Variants in CRADD observed in about 807,000 individuals in gnomAD.
CRADD encodes the protein CARD and death domain containing adaptor protein.
In CRADD, 9 loss-of-function variants were observed where a neutral mutation model predicts 15.5. The ratio of observed to expected loss-of-function variants is 0.58; its 90% CI spans 0.35 to 1.01. The LOEUF is 1.01. Among genes scored for constraint, CRADD ranks in the 50% least tolerant of loss-of-function variants. The pLI is 0.02. For synonymous variants in CRADD, 118 were observed against 107.6 expected, an observed-to-expected ratio of 1.10 and a Z score of -0.60; for missense variants, 227 against 250.3, an observed-to-expected ratio of 0.91 and a Z score of 0.63.
intron 2 of CRADD, among the ~76,000 whole-genome samples, chr12:93,823,298 CAAAA>C (rs66639212): frequency 1.4e-5 from 2 of 139,792 alleles, no homozygotes; most frequent in Non-Finnish European, 1.6e-5. Context: ...GTCTCAAAAA[CAAAA>C]AAAAAAAAAA....
chr12:93,678,513 G>A (rs1207963284), intron 1 of CRADD, among the ~76,000 whole-genome samples: 2 of 151,800 alleles, frequency 1.3e-5, no homozygotes, highest in African/African-American at 2.4e-5. Flanking sequence ...TTTATTGAAC[G>A]AGGAATTGAG....
chr12:93,875,241 G>A (rs1404430404), intron 2 of CRADD, among the ~76,000 whole-genome samples: 1 of 135,834 alleles, frequency 7.4e-6, no homozygotes, highest in Non-Finnish European at 1.7e-5. Flanking sequence ...AGCAACTCCT[G>A]CTGATTTTTG....
At chr12:93,883,958 GCAAGAGGGTGATC>G (rs1958519430) in intron 2 of CRADD, among the ~76,000 whole-genome samples, 1 of 152,212 alleles carries the variant, frequency 6.6e-6, no homozygotes, top group African/African-American at 2.4e-5. Context: ...TCAGGATGTG[GCAAGAGGGTGATC>G]CAAGAGAAAG....
rs1252422910 is a variant in CRADD, at chr12:93,687,112, G to A, written c.298+8040G>A. 7.2e-5 allele frequency among the ~76,000 whole-genome samples: 11 copies of A among 152,288 alleles called. No homozygotes were observed. In the South Asian group the frequency reaches 2.1e-3, roughly 29 times the overall value. On this transcript the variant is annotated intron_variant, in intron 2 of 2. Transcript: ENST00000332896. The stretch of plus-strand genomic sequence containing the variant: ...GCAAGGCTGACATAAAGGAAAAGCG[G>A]AAGACTTTCATCGAGTATTTATGGG...
chr12:93,687,799 G>A (rs930272746), intron 2 of CRADD, among the ~76,000 whole-genome samples: 5 of 152,196 alleles, frequency 3.3e-5, no homozygotes, highest in Non-Finnish European at 7.3e-5. Flanking sequence ...GCTCAAGAAT[G>A]TTCCAGAATC....
intron 2 of CRADD, among the ~76,000 whole-genome samples, chr12:93,829,222 T>C (rs1957861487): frequency 1.3e-5 from 2 of 151,578 alleles, no homozygotes; most frequent in South Asian, 4.2e-4. Context: ...CATGGGAGGG[T>C]TTGTGCTGCC....
At chr12:93,688,843 G>A (rs1420723821) in intron 2 of CRADD, among the ~76,000 whole-genome samples, 2 of 152,078 alleles carry the variant, frequency 1.3e-5, no homozygotes, top group African/African-American at 4.8e-5. Context: ...GATAACCTGT[G>A]GCTGCTCCAG....
At chr12:93,736,446 T>C (rs1024799845) in intron 2 of CRADD, among the ~76,000 whole-genome samples, 4 of 152,238 alleles carry the variant, frequency 2.6e-5, no homozygotes, top group Non-Finnish European at 4.4e-5. Flanking sequence ...CTTAAAAACG[T>C]CAACTAGCCC....
At chr12:93,748,214 A>C (rs1416578586) in intron 2 of CRADD, among the ~76,000 whole-genome samples, 1 of 152,148 alleles carries the variant, frequency 6.6e-6, no homozygotes, top group Non-Finnish European at 1.5e-5. Context: ...CCTTCCAGAA[A>C]TCCTTTCCTT....
At chr12:93,810,875 G>A (rs1593009622) in intron 2 of CRADD, among the ~76,000 whole-genome samples, 2 of 152,206 alleles carry the variant, frequency 1.3e-5, no homozygotes, top group Admixed American at 1.3e-4. Context: ...GCCAGACTGA[G>A]AATGAGAAAT....
chr12:93,736,388 C>G (rs1050967298), intron 2 of CRADD, among the ~76,000 whole-genome samples: 5 of 152,146 alleles, frequency 3.3e-5, no homozygotes, highest in Non-Finnish European at 7.4e-5. Context: ...TCCTTATATT[C>G]AAAACTTTCT....
At chr12:93,830,219 G>A (rs1957877899) in intron 2 of CRADD, among the ~76,000 whole-genome samples, 1 of 152,128 alleles carries the variant, frequency 6.6e-6, no homozygotes, top group African/African-American at 2.4e-5. Flanking sequence ...CCTCCAAGAA[G>A]AGGATGGCTG....
intron 2 of CRADD, among the ~76,000 whole-genome samples, chr12:93,700,851 C>T (rs1328166026): frequency 1.3e-5 from 2 of 152,102 alleles, no homozygotes; most frequent in African/African-American, 4.8e-5. Flanking sequence ...AACTCCAGTT[C>T]CTCCTTTGGG....
chr12:93,873,122 G>A (rs1958434394), intron 2 of CRADD, among the ~76,000 whole-genome samples: 1 of 151,496 alleles, frequency 6.6e-6, no homozygotes, highest in South Asian at 2.1e-4. Context: ...AACATCTTTT[G>A]CTTCTTTGGC....
chr12:93,724,978 A>G (rs1956328792), intron 2 of CRADD, among the ~76,000 whole-genome samples: 1 of 152,056 alleles, frequency 6.6e-6, no homozygotes, highest in South Asian at 2.1e-4. Flanking sequence ...CTCCTGCCTC[A>G]GCCTCGCAAG....
At chr12:93,706,395 GAA>G (rs1269006762) in intron 2 of CRADD, among the ~76,000 whole-genome samples, 1 of 152,162 alleles carries the variant, frequency 6.6e-6, no homozygotes, top group Non-Finnish European at 1.5e-5. Context: ...TAGTTTATAT[GAA>G]AAATTGATGC....
intron 2 of CRADD, among the ~76,000 whole-genome samples, chr12:93,856,903 T>TA (rs1035139333): frequency 2.0e-5 from 3 of 152,152 alleles, no homozygotes; most frequent in African/African-American, 7.2e-5. Flanking sequence ...TTTTTAAATG[T>TA]AATAACTGCC....
At chr12:93,678,400 T>C (rs1484309774) in intron 1 of CRADD, among the ~76,000 whole-genome samples, 1 of 152,192 alleles carries the variant, frequency 6.6e-6, no homozygotes, top group Non-Finnish European at 1.5e-5. Flanking sequence ...CACCATTTCT[T>C]CTCCAGCGTG....
rs145240673 is a variant in CRADD at position 93,890,705 on chromosome 12, C to T, written c.299-3345C>T. On this transcript the variant is annotated intron_variant, in intron 2 of 2. Coordinates refer to the CRADD transcript ENST00000548483. ...CTATAGCCTGCTTCCAGTTGTCCCA[C>T]CTTACTGAACCAAACCAATGTTTTC... 2.5e-3 allele frequency among the ~76,000 whole-genome samples: 384 copies of T among 152,194 alleles called. 1 individual carries two copies. The highest frequency in any genetic ancestry group is 8.7e-3 in the African/African-American group (360 of 41,534).
Sources: allele counts gnomAD v4.1 joint callset (sites outside exome capture counted in the v4.1 genomes callset), GRCh38; gene constraint gnomAD v4.1.1; transcripts MANE v1.5; gene names NCBI Gene and HGNC (gene_info 2026-07-23, HGNC 2026-07-21).